BAZ2B: variants seen among roughly 807,000 people sequenced by gnomAD.
BAZ2B encodes the protein bromodomain adjacent to zinc finger domain protein 2B.
A neutral mutation model predicts 246.0 loss-of-function variants in BAZ2B; 91 were observed. The observed-to-expected ratio is 0.37, with a 90% CI of 0.31 to 0.44. The LOEUF (loss-of-function observed/expected upper bound fraction) is 0.44. Among genes scored for constraint, BAZ2B ranks in the 20% least tolerant of loss-of-function variants. BAZ2B has a pLI of 1.00. For missense variants in BAZ2B, 2,332 were observed against 2,533.7 expected (o/e 0.92, Z 1.71); for synonymous variants, 855 against 860.0 (o/e 0.99, Z 0.10).
chr2:159,375,464 T>C (rs1576288122), intron 25 of BAZ2B, among the ~76,000 whole-genome samples: 1 of 152,122 alleles, frequency 6.6e-6, no homozygotes, highest in African/African-American at 2.4e-5. Flanking sequence ...AGAGGTAAGG[T>C]AGGAGATGAG....
chr2:159,608,362 G>A (rs1046380086), intron 1 of BAZ2B, among the ~76,000 whole-genome samples: 3 of 152,178 alleles, frequency 2.0e-5, no homozygotes, highest in Admixed American at 2.0e-4. Context: ...ACAACAGAGT[G>A]AGACCCTGTC....
At chr2:159,578,822 C>T (rs144149038) in intron 1 of BAZ2B, among the ~76,000 whole-genome samples, 11 of 152,276 alleles carry the variant, frequency 7.2e-5, no homozygotes, top group Non-Finnish European at 1.2e-4. Context: ...TCCTCAATGA[C>T]TACTGGGTAC....
chr2:159,652,425 G>A, the BAZ2B span, among the ~76,000 whole-genome samples: 2 of 152,012 alleles, frequency 1.3e-5, no homozygotes, highest in Non-Finnish European at 2.9e-5. Flanking sequence ...GGCCAGGCTA[G>A]TCTCAAACTC....
intron 1 of BAZ2B, among the ~76,000 whole-genome samples, chr2:159,577,661 A>C (rs1363865541): frequency 6.6e-6 from 1 of 152,222 alleles, no homozygotes; most frequent in Non-Finnish European, 1.5e-5. Context: ...CTAGGGAAAG[A>C]TGAAAAATAA....
intron 1 of BAZ2B, among the ~76,000 whole-genome samples, chr2:159,614,990 T>C: frequency 6.6e-6 from 1 of 152,060 alleles, no homozygotes; most frequent in East Asian, 1.9e-4. Flanking sequence ...GGAATAAAAT[T>C]GCCCAAGATG....
chr2:159,662,145 T>A, the BAZ2B span, among the ~76,000 whole-genome samples: 2 of 152,224 alleles, frequency 1.3e-5, no homozygotes, highest in Non-Finnish European at 2.9e-5. Context: ...TTATCAAGGC[T>A]CATCTGCACT....
chr2:159,566,146 A>G lies in BAZ2B; in HGVS notation c.-45-10281T>C, dbSNP rs190188501. Among the ~76,000 whole-genome samples, 191 of 152,062 alleles carry G rather than the reference A, an allele frequency of 1.3e-3. 1 individual carries two copies. The highest frequency in any genetic ancestry group is 4.2e-3 in the African/African-American group (173 of 41,478). ...CCTGCCTCAGCCTCCCGAGTAGTTG[A>G]GATTACAGGCATGCACCACCACGTC... On this transcript the variant is annotated intron_variant, in intron 1 of 36. Transcript: ENST00000392783.
chr2:159,544,111 T>G (rs202217584), intron 2 of BAZ2B, among the ~76,000 whole-genome samples: 1 of 152,230 alleles, frequency 6.6e-6, no homozygotes, highest in East Asian at 1.9e-4. Context: ...TAACATGTCC[T>G]TCTCTCCTTT....
At chr2:159,622,485 G>C in the BAZ2B span, among the ~76,000 whole-genome samples, 3 of 152,066 alleles carry the variant, frequency 2.0e-5, no homozygotes, top group East Asian at 5.8e-4. Flanking sequence ...GTCAAAACCA[G>C]ATACAATAAA....
chr2:159,549,795 T>C (rs1017677504), intron 2 of BAZ2B, among the ~76,000 whole-genome samples: 6 of 150,428 alleles, frequency 4.0e-5, no homozygotes, highest in African/African-American at 7.3e-5. Context: ...AAAAAAGACA[T>C]TTTCACACTG....
At chr2:159,423,913 C>T (rs1226562218) in intron 13 of BAZ2B, among the ~76,000 whole-genome samples, 3 of 152,164 alleles carry the variant, frequency 2.0e-5, no homozygotes, top group African/African-American at 7.2e-5. Context: ...AACTACCAAT[C>T]GGGTACTGTG....
At chr2:159,548,760 C>T (rs2087718266) in intron 2 of BAZ2B, among the ~76,000 whole-genome samples, 1 of 152,092 alleles carries the variant, frequency 6.6e-6, no homozygotes, top group Non-Finnish European at 1.5e-5. Flanking sequence ...GATTGTGCCA[C>T]TGTAGTCCAG....
chr2:159,685,470 TTCTAAATATCATTC>T, the BAZ2B span, among the ~76,000 whole-genome samples: 1 of 152,126 alleles, frequency 6.6e-6, no homozygotes, highest in Non-Finnish European at 1.5e-5. Context: ...AGATCTTGGT[TTCTAAATATCATTC>T]TCTAATAAAA....
intron 1 of BAZ2B, among the ~76,000 whole-genome samples, chr2:159,604,896 A>T (rs1004555321): frequency 6.6e-6 from 1 of 152,074 alleles, no homozygotes; most frequent in Admixed American, 6.6e-5. Flanking sequence ...TAGGAAAATT[A>T]TTGTTAAATC....
chr2:159,462,795 T>C, intron 3 of BAZ2B: 2 of 1,421,026 alleles, frequency 1.4e-6, no homozygotes, highest in Non-Finnish European at 2.0e-6. Context: ...CATGCAATAA[T>C]AGTCTGTTGC....
intron 1 of BAZ2B, among the ~76,000 whole-genome samples, chr2:159,596,396 A>G (rs988761503): frequency 1.4e-4 from 21 of 152,242 alleles, no homozygotes; most frequent in Admixed American, 2.6e-4. Context: ...GCACGGCCCT[A>G]AAGTTTGTTC....
intron 27 of BAZ2B, among the ~76,000 whole-genome samples, chr2:159,364,393 T>C (rs2060009553): frequency 6.6e-6 from 1 of 152,162 alleles, no homozygotes. Context: ...ACATGTCAGT[T>C]GGACTTTTTT....
intron 2 of BAZ2B, among the ~76,000 whole-genome samples, chr2:159,490,974 A>G (rs2080390597): frequency 6.6e-6 from 1 of 152,190 alleles, no homozygotes; most frequent in Non-Finnish European, 1.5e-5. Context: ...GAATGCATGA[A>G]AACTTCCCCC....
chr2:159,488,015 G>T (rs1279094731), intron 2 of BAZ2B, among the ~76,000 whole-genome samples: 1 of 151,852 alleles, frequency 6.6e-6, no homozygotes, highest in Admixed American at 6.6e-5. Flanking sequence ...AAACGATCAG[G>T]ATTACAGGCC....
Sources: gnomAD v4.1 joint callset for allele counts (sites outside exome capture counted in the v4.1 genomes callset) on GRCh38, gnomAD v4.1.1 for gene constraint, MANE v1.5 for transcripts, NCBI Gene and HGNC (gene_info 2026-07-23, HGNC 2026-07-21) for gene names.